The following SPATA6 variants were observed in gnomAD, a reference collection of about 807,000 sequenced individuals.
The protein encoded by SPATA6 is spermatogenesis-associated protein 6.
Under a neutral mutation model 65.3 loss-of-function variants are expected in SPATA6, and 56 were observed. The observed-to-expected ratio is 0.86, with a 90% confidence interval of 0.69 to 1.07. The LOEUF (loss-of-function observed/expected upper bound fraction) is 1.07, where lower values mean the gene tolerates loss of function less well. Ranked by LOEUF, SPATA6 falls within the 50% of genes least tolerant of loss-of-function variation. The probability of loss-of-function intolerance (pLI) is 0.00; values close to 1 mark genes in which losing one functional copy is unlikely to be tolerated. For missense variants in SPATA6, 590 were observed against 594.8 expected (o/e 0.99, Z 0.08); for synonymous variants, 199 against 213.2 (o/e 0.93, Z 0.58).
chr1:48,315,548 T>A (rs1168205722), intron 11 of SPATA6, among the ~76,000 whole-genome samples: 1 of 152,122 alleles, frequency 6.6e-6, no homozygotes, highest in Non-Finnish European at 1.5e-5. Flanking sequence ...CTCAAAATAA[T>A]AAGAGCTATC....
At chr1:48,269,788 T>A in the SPATA6 span, among the ~76,000 whole-genome samples, 1 of 151,434 alleles carries the variant, frequency 6.6e-6, no homozygotes, top group African/African-American at 2.4e-5. Flanking sequence ...AAATAAATCA[T>A]ATGTATTTCA....
At chr1:48,288,882 C>G in the SPATA6 span, among the ~76,000 whole-genome samples, 49 of 152,370 alleles carry the variant, frequency 3.2e-4, no homozygotes, top group African/African-American at 1.2e-3. Flanking sequence ...TGCAGCTCAA[C>G]GAGGCCTGCC....
rs557200892 is a variant in SPATA6, at chr1:48,370,835, A to C, written c.910-11065T>G. Among the ~76,000 whole-genome samples the C allele has an allele frequency of 1.2e-4, 19 of 152,356 alleles. No individual in the cohort carries two copies. In the East Asian group the frequency reaches 3.5e-3, roughly 28 times the overall value. On this transcript the variant is annotated intron_variant, in intron 9 of 12. Coordinates refer to ENST00000371847, the MANE Select transcript of SPATA6 (RefSeq NM_019073.4). ...ACAAATTGCAAACTCTCATAGCCCA[A>C]GCCTAACAGGATTTCTACAAGGAAA...
chr1:48,292,071 G>A (rs1382489429), downstream of SPATA6, among the ~76,000 whole-genome samples: 1 of 152,034 alleles, frequency 6.6e-6, no homozygotes, highest in Non-Finnish European at 1.5e-5. Flanking sequence ...ATTTCTTTGG[G>A]GTCAGTTACT....
intron 9 of SPATA6, among the ~76,000 whole-genome samples, chr1:48,367,142 T>C (rs965564690): frequency 8.5e-5 from 13 of 152,214 alleles, no homozygotes; most frequent in Admixed American, 3.3e-4. Flanking sequence ...CTAGTTTGAT[T>C]GCACTGTGGT....
chr1:48,310,858 C>G (rs1022450785), intron 11 of SPATA6, among the ~76,000 whole-genome samples: 1 of 151,998 alleles, frequency 6.6e-6, no homozygotes, highest in African/African-American at 2.4e-5. Context: ...TTTGAAAGAA[C>G]TGAAATCATA....
At chr1:48,262,436 T>C in the SPATA6 span, 4 of 152,156 alleles carry the variant, frequency 2.6e-5, no homozygotes, top group Non-Finnish European at 5.9e-5. Flanking sequence ...GCCATCCATT[T>C]TCCACTTGCA....
chr1:48,270,763 C>G, the SPATA6 span, among the ~76,000 whole-genome samples: 1 of 150,884 alleles, frequency 6.6e-6, no homozygotes, highest in Non-Finnish European at 1.5e-5. Flanking sequence ...ACAAAAAAAC[C>G]TGTAAACTTT....
chr1:48,387,209 T>G (rs1048801617), intron 8 of SPATA6, among the ~76,000 whole-genome samples: 3 of 152,102 alleles, frequency 2.0e-5, no homozygotes, highest in Non-Finnish European at 4.4e-5. Flanking sequence ...TGGGAAAGAC[T>G]TGCCCCCATG....
downstream of SPATA6, among the ~76,000 whole-genome samples, chr1:48,290,554 A>G (rs1644759895): frequency 6.6e-6 from 1 of 152,314 alleles, no homozygotes; most frequent in South Asian, 2.1e-4. Context: ...AGACTGGCAA[A>G]TTGGATAAAG....
chr1:48,437,476 A>C (rs936546478), intron 3 of SPATA6, among the ~76,000 whole-genome samples: 2 of 152,206 alleles, frequency 1.3e-5, no homozygotes, highest in African/African-American at 4.8e-5. Context: ...TTTTTTTCTA[A>C]GCTGTGACTA....
chr1:48,350,091 A>G (rs1646475460), intron 11 of SPATA6, among the ~76,000 whole-genome samples: 1 of 151,826 alleles, frequency 6.6e-6, no homozygotes, highest in Non-Finnish European at 1.5e-5. Flanking sequence ...GGGAGTTCCT[A>G]TTATTCCACA....
the SPATA6 span, chr1:48,262,643 A>C: frequency 6.6e-6 from 1 of 152,172 alleles, no homozygotes; most frequent in Non-Finnish European, 1.5e-5. Context: ...AGAAATGTAC[A>C]TGTATTAATG....
chr1:48,323,536 G>C (rs1204578283), intron 11 of SPATA6, among the ~76,000 whole-genome samples: 1 of 151,060 alleles, frequency 6.6e-6, no homozygotes, highest in African/African-American at 2.4e-5. Flanking sequence ...CCTGCATCTT[G>C]TGCACATCTA....
chr1:48,356,176 T>C (rs934400217), intron 10 of SPATA6, among the ~76,000 whole-genome samples: 1 of 152,126 alleles, frequency 6.6e-6, no homozygotes, highest in African/African-American at 2.4e-5. Flanking sequence ...AACACAGAAG[T>C]TAAATGGTTT....
intron 11 of SPATA6, among the ~76,000 whole-genome samples, chr1:48,315,414 A>T (rs1428606689): frequency 6.6e-6 from 1 of 152,220 alleles, no homozygotes; most frequent in Non-Finnish European, 1.5e-5. Flanking sequence ...ATAATCCAAC[A>T]TATAAACAGA....
At chr1:48,400,768 C>T in intron 6 of SPATA6, 3 of 1,295,364 alleles carry the variant, frequency 2.3e-6, no homozygotes, top group Middle Eastern at 4.3e-4. Flanking sequence ...GCATTTCATA[C>T]AGACCAGTTG....
downstream of SPATA6, among the ~76,000 whole-genome samples, chr1:48,291,568 G>C (rs111960575): frequency 4.0e-5 from 6 of 151,890 alleles, no homozygotes; most frequent in African/African-American, 1.5e-4. Flanking sequence ...GAAAAGGCTG[G>C]TCTCACTCCC....
At chr1:48,314,059 CAA>C (rs1178275328) in intron 11 of SPATA6, among the ~76,000 whole-genome samples, 1 of 152,152 alleles carries the variant, frequency 6.6e-6, no homozygotes, top group African/African-American at 2.4e-5. Flanking sequence ...TAGAGACCTA[CAA>C]AGAGACTTAG....
Sources: allele counts gnomAD v4.1 joint callset (sites outside exome capture counted in the v4.1 genomes callset), GRCh38; gene constraint gnomAD v4.1.1; transcripts MANE v1.5; gene names NCBI Gene and HGNC (gene_info 2026-07-23, HGNC 2026-07-21).